The following NDUFAF6 variants were observed in gnomAD, a reference collection of about 807,000 sequenced individuals.
NDUFAF6 encodes NADH dehydrogenase (ubiquinone) complex I, assembly factor 6.
A neutral mutation model predicts 40.8 loss-of-function variants in NDUFAF6; 45 were observed. The observed-to-expected ratio is 1.10, with a 90% CI of 0.87 to 1.42. The LOEUF (loss-of-function observed/expected upper bound fraction) is 1.42. NDUFAF6 is among the 40% of genes most tolerant of loss of function. NDUFAF6 has a pLI of 0.00. For synonymous variants in NDUFAF6, 185 were observed against 155.9 expected, an observed-to-expected ratio of 1.19 and a Z score of -1.39; for missense variants, 435 against 418.5, an observed-to-expected ratio of 1.04 and a Z score of -0.34.
chr8:94,928,004 TTACA>T (rs1265401870), intron 1 of NDUFAF6: 4 of 152,594 alleles, frequency 2.6e-5, no homozygotes, highest in South Asian at 4.1e-4. Flanking sequence ...GCCTTGTGTC[TTACA>T]TACAGGAGAT....
intron 2 of NDUFAF6, among the ~76,000 whole-genome samples, chr8:94,990,021 C>T (rs549660473): frequency 6.6e-5 from 10 of 152,272 alleles, no homozygotes; most frequent in South Asian, 4.2e-4. Context: ...TGAGCCACCA[C>T]GCCTGGCCAA....
intron 2 of NDUFAF6, among the ~76,000 whole-genome samples, chr8:95,007,220 T>C (rs966709373): frequency 4.6e-5 from 7 of 151,928 alleles, no homozygotes; most frequent in African/African-American, 1.7e-4. Context: ...GCTTGTATAT[T>C]AACATTTTTT....
chr8:95,020,171 C>G (rs1827631789), upstream of NDUFAF6, among the ~76,000 whole-genome samples: 1 of 152,124 alleles, frequency 6.6e-6, no homozygotes, highest in Admixed American at 6.5e-5. Context: ...TGCACTCCAG[C>G]CTGGGCGACA....
intron 3 of NDUFAF6, chr8:95,036,607 T>C (rs190933329): frequency 6.0e-4 from 520 of 860,454 alleles, no homozygotes; most frequent in Non-Finnish European, 7.5e-4. Flanking sequence ...TTTATTACTT[T>C]ACACCTAAAT....
At chr8:95,073,688 C>T (rs941906771) in intron 9 of NDUFAF6, among the ~76,000 whole-genome samples, 2 of 152,178 alleles carry the variant, frequency 1.3e-5, no homozygotes, top group Admixed American at 1.3e-4. Flanking sequence ...AATCTGATCC[C>T]GGCTTCCAGC....
At chr8:95,109,600 AGAGAGAGAGAGAG>A (rs1403303132) in intron 4 of NDUFAF6, among the ~76,000 whole-genome samples, 19 of 136,168 alleles carry the variant, frequency 1.4e-4, no homozygotes, top group Admixed American at 2.2e-4. Context: ...AGAGAGAGAG[AGAGAGAGAGAGAG>A]AGAGAGACCT....
At chr8:94,993,445 A>G (rs1826279644) in intron 2 of NDUFAF6, among the ~76,000 whole-genome samples, 1 of 152,206 alleles carries the variant, frequency 6.6e-6, no homozygotes, top group African/African-American at 2.4e-5. Flanking sequence ...TGGCCTTGTG[A>G]CTTGATTTGA....
At chr8:94,989,935 G>T (rs575102632) in intron 2 of NDUFAF6, among the ~76,000 whole-genome samples, 19 of 152,232 alleles carry the variant, frequency 1.2e-4, no homozygotes, top group African/African-American at 4.3e-4. Flanking sequence ...TCACTGTGTT[G>T]CCCAGGCTGG....
chr8:95,042,084 T>G (rs965619181), intron 4 of NDUFAF6, among the ~76,000 whole-genome samples: 4 of 152,236 alleles, frequency 2.6e-5, no homozygotes, highest in African/African-American at 4.8e-5. Flanking sequence ...AATACTTGAT[T>G]AGTCATACAC....
intron 1 of NDUFAF6, among the ~76,000 whole-genome samples, chr8:94,932,690 C>G (rs934297581): frequency 1.3e-5 from 2 of 152,132 alleles, no homozygotes; most frequent in African/African-American, 4.8e-5. Context: ...GTAGTCCCAG[C>G]TACTCGGGAG....
At chr8:94,956,572 TC>T (rs1233884781), upstream of NDUFAF6, among the ~76,000 whole-genome samples, 26 of 152,144 alleles carry the variant, frequency 1.7e-4, no homozygotes, top group Non-Finnish European at 4.4e-5. Flanking sequence ...TAGATTTCAT[TC>T]AAAATGTGAT....
intron 2 of NDUFAF6, among the ~76,000 whole-genome samples, chr8:95,010,300 C>T (rs779470435): frequency 2.0e-5 from 3 of 152,052 alleles, no homozygotes; most frequent in Non-Finnish European, 2.9e-5. Context: ...TGTTGGCCAG[C>T]CTGGTCTCGA....
intron 8 of NDUFAF6, among the ~76,000 whole-genome samples, 196 bp from the exon 9 acceptor site, chr8:95,057,613 A>C (rs1200078585): frequency 6.6e-6 from 1 of 152,178 alleles, no homozygotes; most frequent in Non-Finnish European, 1.5e-5. Flanking sequence ...TAGCTCTGTG[A>C]TACCCTTTTA....
At chr8:94,919,291 C>T (rs1224412707) in intron 1 of NDUFAF6, among the ~76,000 whole-genome samples, 1 of 152,174 alleles carries the variant, frequency 6.6e-6, no homozygotes, top group Non-Finnish European at 1.5e-5. Context: ...AACCAGTCCT[C>T]CCACCTCAGC....
At chr8:95,015,906 GA>G (rs1827425040) in intron 2 of NDUFAF6, among the ~76,000 whole-genome samples, 1 of 151,622 alleles carries the variant, frequency 6.6e-6, no homozygotes, top group Non-Finnish European at 1.5e-5. Flanking sequence ...GCCAGATCAA[GA>G]ATGAGAAAGA....
At chr8:95,010,190 G>A (rs1827170261) in intron 2 of NDUFAF6, among the ~76,000 whole-genome samples, 1 of 152,182 alleles carries the variant, frequency 6.6e-6, no homozygotes, top group Non-Finnish European at 1.5e-5. Context: ...CCGAGTTCAA[G>A]CAATTCTCCT....
downstream of NDUFAF6, among the ~76,000 whole-genome samples, chr8:95,059,122 G>T (rs1204796041): frequency 2.6e-5 from 4 of 152,062 alleles, no homozygotes; most frequent in Non-Finnish European, 4.4e-5. Flanking sequence ...TACATTGCTG[G>T]TAATCGGTCG....
intron 5 of NDUFAF6, 135 bp downstream of exon 5, chr8:95,045,782 TTTG>T (rs1246594556): frequency 1.5e-6 from 1 of 653,628 alleles, no homozygotes; most frequent in Non-Finnish European, 2.6e-6. Context: ...AACAGTTTTT[TTTG>T]TTATTATTAT....
chr8:94,904,005 T>G (rs978434267), intron 1 of NDUFAF6, among the ~76,000 whole-genome samples: 1 of 152,184 alleles, frequency 6.6e-6, no homozygotes, highest in Admixed American at 6.5e-5. Flanking sequence ...AGTCTTGAGA[T>G]AACTTCCAGG....
Sources: allele counts gnomAD v4.1 joint callset (sites outside exome capture counted in the v4.1 genomes callset), GRCh38; gene constraint gnomAD v4.1.1; transcripts MANE v1.5; gene names NCBI Gene and HGNC (gene_info 2026-07-23, HGNC 2026-07-21).